KCNU1: variants seen among roughly 807,000 people sequenced by gnomAD.
The protein encoded by KCNU1 is potassium channel subfamily U member 1.
In KCNU1, 93 loss-of-function variants were observed where a neutral mutation model predicts 126.8. The ratio of observed to expected loss-of-function variants is 0.73; its 90% CI spans 0.62 to 0.87. KCNU1 has a LOEUF of 0.87. Ranked by LOEUF, KCNU1 falls within the 40% of genes least tolerant of loss-of-function variation. KCNU1 has a pLI of 0.00. For synonymous variants in KCNU1, 523 were observed against 494.2 expected (o/e 1.06, Z -0.77); for missense variants, 1,330 against 1,367.1 (o/e 0.97, Z 0.43).
intron 19 of KCNU1, among the ~76,000 whole-genome samples, chr8:36,903,112 C>T (rs1016270776): frequency 3.9e-5 from 6 of 152,062 alleles, no homozygotes; most frequent in African/African-American, 1.2e-4. Flanking sequence ...TCTAGTATCC[C>T]GTTCCCCCTA....
intron 10 of KCNU1, among the ~76,000 whole-genome samples, chr8:36,827,534 T>G (rs1804371001): frequency 6.6e-6 from 1 of 152,198 alleles, no homozygotes; most frequent in South Asian, 2.1e-4. Flanking sequence ...TGATAACTCT[T>G]CATTGTCTGC....
At chr8:36,804,139 G>C in intron 3 of KCNU1, 51 bp downstream of exon 3, 1 of 1,270,252 alleles carries the variant, frequency 7.9e-7, no homozygotes, top group Non-Finnish European at 1.1e-6. Context: ...ACATTGCTCG[G>C]CTAATTTGGA....
At chr8:36,797,364 T>C (rs1482543477) in intron 2 of KCNU1, among the ~76,000 whole-genome samples, 2 of 152,146 alleles carry the variant, frequency 1.3e-5, no homozygotes, top group Non-Finnish European at 1.5e-5. Context: ...AATTTAATTT[T>C]AATAGACTAT....
intron 23 of KCNU1, among the ~76,000 whole-genome samples, chr8:36,921,682 A>ATT: frequency 6.8e-6 from 1 of 146,820 alleles, no homozygotes; most frequent in Admixed American, 6.8e-5. Context: ...AAAAAAAAAG[A>ATT]AGAGTCTAGG....
chr8:36,809,629 G>A (rs959700829), intron 7 of KCNU1, among the ~76,000 whole-genome samples: 1 of 152,178 alleles, frequency 6.6e-6, no homozygotes, highest in Non-Finnish European at 1.5e-5. Context: ...GAAGGAGAGA[G>A]ATTTTCCTGA....
chr8:36,862,511 T>G (rs771182930), intron 18 of KCNU1, among the ~76,000 whole-genome samples: 26 of 152,142 alleles, frequency 1.7e-4, no homozygotes, highest in Non-Finnish European at 3.2e-4. Context: ...CTTCAGGTGG[T>G]CAACACCAAT....
intron 26 of KCNU1, among the ~76,000 whole-genome samples, chr8:36,934,893 G>A (rs959277104): frequency 7.2e-5 from 11 of 152,210 alleles, no homozygotes; most frequent in African/African-American, 2.2e-4. Context: ...ATTCTTTAGG[G>A]TTCATTAACG....
intron 4 of KCNU1, among the ~76,000 whole-genome samples, chr8:36,805,882 C>T (rs1803481417): frequency 6.6e-6 from 1 of 151,958 alleles, no homozygotes; most frequent in East Asian, 1.9e-4. Flanking sequence ...CTTGCTTTGT[C>T]ACCTAGGCTG....
In KCNU1 at chr8:36,799,831, G is replaced by A. The variant is rs149431915; in HGVS notation, c.316-4196G>A. ...GCTGGGATTACAGGCATTAGTCACCGCGCCCAGCCCTTGCACTTTTAATTA... is the reference window on the plus strand; with the variant it reads ...GCTGGGATTACAGGCATTAGTCACCACGCCCAGCCCTTGCACTTTTAATTA... On this transcript the variant is annotated intron_variant, in intron 2 of 26. Transcript: ENST00000399881. 1.3e-4 allele frequency among the ~76,000 whole-genome samples: 19 copies of A among 151,924 alleles called. No homozygotes were observed. The East Asian group carries it at 1.8e-3, about 14-fold the overall frequency.
chr8:36,862,140 C>T (rs1805753115), intron 18 of KCNU1, among the ~76,000 whole-genome samples: 1 of 151,906 alleles, frequency 6.6e-6, no homozygotes, highest in Non-Finnish European at 1.5e-5. Context: ...CAACTTTCCT[C>T]GCCTAAAATA....
At chr8:36,892,209 T>C (rs1806989717) in intron 19 of KCNU1, among the ~76,000 whole-genome samples, 1 of 152,118 alleles carries the variant, frequency 6.6e-6, no homozygotes, top group Non-Finnish European at 1.5e-5. Flanking sequence ...TTCAAGCTCA[T>C]TTATTCCTTC....
At chr8:36,928,878 C>T (rs10089755) in intron 24 of KCNU1, 337,720 of 594,682 alleles carry the variant, frequency 0.57, 96,631 homozygotes, top group Admixed American at 0.63. Context: ...ATTCTGATTC[C>T]CATTCCTGTC....
rs201806000 is a variant in KCNU1 at position 36,929,435 on chromosome 8, A to C, written c.2737-1516A>C. Among the ~76,000 whole-genome samples, 16 of 149,390 alleles carry C rather than the reference A, an allele frequency of 1.1e-4. No individual in the cohort carries two copies. The East Asian group carries it at 3.0e-3, about 28-fold the overall frequency. ...ACAAAAAACAAACAAACAAAAAAAA[A>C]CCATGAATTGCTCAAAGGCACCCAG... is the stretch of plus-strand genomic sequence containing the variant. On this transcript the variant is annotated intron_variant, in intron 24 of 26. Coordinates refer to ENST00000399881, the MANE Select transcript of KCNU1 (RefSeq NM_001031836.3).
At chr8:36,805,357 C>T (rs777816852) in intron 4 of KCNU1, 72 bp downstream of exon 4, 32 of 911,598 alleles carry the variant, frequency 3.5e-5, no homozygotes, top group Non-Finnish European at 4.9e-5. Context: ...CTAACTGTGT[C>T]TCAGTCCTAC....
chr8:36,812,490 A>G (rs2130451368), intron 7 of KCNU1, among the ~76,000 whole-genome samples: 1 of 152,304 alleles, frequency 6.6e-6, no homozygotes, highest in South Asian at 2.1e-4. Context: ...TGCACAAATA[A>G]AAGTAATATA....
chr8:36,840,341 T>C, intron 14 of KCNU1, 122 bp from the exon 15 acceptor site: 1 of 600,830 alleles, frequency 1.7e-6, no homozygotes, highest in Non-Finnish European at 3.0e-6. Context: ...CTAAGATAAA[T>C]CTCTTTTTTA....
intron 18 of KCNU1, among the ~76,000 whole-genome samples, chr8:36,860,884 GT>G (rs1267684802): frequency 1.3e-5 from 2 of 150,442 alleles, no homozygotes; most frequent in Non-Finnish European, 3.0e-5. Context: ...TTACTTTACA[GT>G]TTTCTTTAGG....
At chr8:36,815,222 T>G (rs1803864692) in intron 8 of KCNU1, among the ~76,000 whole-genome samples, 1 of 152,020 alleles carries the variant, frequency 6.6e-6, no homozygotes, top group East Asian at 1.9e-4. Flanking sequence ...TCCCAGCCAC[T>G]TGGGAGGCTG....
intron 8 of KCNU1, 61 bp from the exon 9 acceptor site, chr8:36,815,535 A>G (rs1803876642): frequency 2.4e-6 from 2 of 818,972 alleles, no homozygotes; most frequent in Admixed American, 2.8e-5. Context: ...TAATCTTGAA[A>G]TTTTTGGAGT....
Sources: gnomAD v4.1 joint callset for allele counts (sites outside exome capture counted in the v4.1 genomes callset) on GRCh38, gnomAD v4.1.1 for gene constraint, MANE v1.5 for transcripts, NCBI Gene and HGNC (gene_info 2026-07-23, HGNC 2026-07-21) for gene names.